KCND2: variants seen among roughly 807,000 people sequenced by gnomAD.
KCND2 encodes the protein potassium voltage-gated channel subfamily D member 2.
Under a neutral mutation model 54.4 loss-of-function variants are expected in KCND2, and 16 were observed. The observed-to-expected ratio is 0.29, with a 90% CI of 0.20 to 0.45. The LOEUF (loss-of-function observed/expected upper bound fraction) is 0.45, where lower values mean the gene tolerates loss of function less well. Ranked by LOEUF, KCND2 falls within the 20% of genes least tolerant of loss-of-function variation. The pLI is 1.00. For missense variants in KCND2, 486 were observed against 824.2 expected, an observed-to-expected ratio of 0.59 and a Z score of 5.02; for synonymous variants, 317 against 310.7, an observed-to-expected ratio of 1.02 and a Z score of -0.21.
intron 1 of KCND2, among the ~76,000 whole-genome samples, chr7:120,544,169 T>C (rs961797848): frequency 1.3e-5 from 2 of 151,954 alleles, no homozygotes; most frequent in African/African-American, 4.8e-5. Context: ...GACAGGAGTA[T>C]ACTGTAGAAA....
In KCND2 at chr7:120,712,453, G is replaced by T. The variant is rs553853183; in HGVS notation, c.1116-20450G>T. On this transcript the variant is annotated intron_variant, in intron 1 of 5. Coordinates refer to ENST00000331113, the MANE Select transcript of KCND2 (RefSeq NM_012281.3). Reference sequence around the variant, plus strand: ...TTTTTTTTTCTCCAGTAGAGGCAGGGTTTCACCATGTTGCCTTGGCTGATC... The same window carrying T: ...TTTTTTTTTCTCCAGTAGAGGCAGGTTTTCACCATGTTGCCTTGGCTGATC... Among the ~76,000 whole-genome samples, 3 of 150,800 alleles carry T rather than the reference G, an allele frequency of 2.0e-5. No individual in the cohort carries two copies. In the East Asian group the frequency reaches 5.9e-4, roughly 29 times the overall value.
rs188380071 is a variant in KCND2, at chr7:120,689,178, T to C, written c.1116-43725T>C. Among the ~76,000 whole-genome samples the C allele has an allele frequency of 1.0e-3, 152 of 152,164 alleles. 1 individual carries two copies. Among genetic ancestry groups the C allele is most frequent in the African/African-American group, 3.6e-3 (150 of 41,538 alleles). On this transcript the variant is annotated intron_variant, in intron 1 of 5. Coordinates refer to ENST00000331113, the MANE Select transcript of KCND2 (RefSeq NM_012281.3). ...AGTGGGCCGAATTTGGATATTCACTTCCAATATCACATTGCATTTTTAGTT... is the reference window on the plus strand; with the variant it reads ...AGTGGGCCGAATTTGGATATTCACTCCCAATATCACATTGCATTTTTAGTT...
chr7:120,445,291 A>G (rs750830523), intron 1 of KCND2, among the ~76,000 whole-genome samples: 15 of 152,198 alleles, frequency 9.9e-5, no homozygotes, highest in Non-Finnish European at 1.9e-4. Flanking sequence ...TTGTTGAAAA[A>G]CAGTAATATT....
chr7:120,648,532 G>C (rs1793469284), intron 1 of KCND2, among the ~76,000 whole-genome samples: 1 of 152,194 alleles, frequency 6.6e-6, no homozygotes, highest in South Asian at 2.1e-4. Flanking sequence ...GAAGGACCCT[G>C]AAAGGAGTAG....
intron 1 of KCND2, among the ~76,000 whole-genome samples, chr7:120,472,411 A>G (rs545573612): frequency 4.6e-5 from 7 of 152,204 alleles, no homozygotes; most frequent in East Asian, 1.9e-4. Flanking sequence ...TCATTGTGCT[A>G]TGGTGGAAAC....
chr7:120,544,777 C>T (rs893093133), intron 1 of KCND2, among the ~76,000 whole-genome samples: 1 of 151,872 alleles, frequency 6.6e-6, no homozygotes, highest in Admixed American at 6.6e-5. Context: ...TTGCTCATTT[C>T]TTAATTCTTC....
chr7:120,538,019 C>A (rs532199322), intron 1 of KCND2, among the ~76,000 whole-genome samples: 1 of 152,278 alleles, frequency 6.6e-6, no homozygotes, highest in Admixed American at 6.5e-5. Flanking sequence ...GGGCAAGAGG[C>A]CTAGGTTTTG....
At chr7:120,605,187 T>G (rs534254708) in intron 1 of KCND2, among the ~76,000 whole-genome samples, 1 of 152,258 alleles carries the variant, frequency 6.6e-6, no homozygotes, top group South Asian at 2.1e-4. Flanking sequence ...TTCACCACCC[T>G]AAAAAGAAAC....
rs537482528 is a variant in KCND2 at position 120,352,743 on chromosome 7, G to A, written c.1115+76996G>A. ...TGTATTTTAAACTGGTAATTAGGTA[G>A]GATTTTTAAAAATTGAGAAATATGA... is the stretch of plus-strand genomic sequence containing the variant. On this transcript the variant is annotated intron_variant, in intron 1 of 5. Coordinates refer to ENST00000331113, the MANE Select transcript of KCND2 (RefSeq NM_012281.3). Among the ~76,000 whole-genome samples, 11 of 152,130 alleles carry A rather than the reference G, an allele frequency of 7.2e-5. No homozygotes were observed. The South Asian group carries it at 2.1e-3, about 29-fold the overall frequency.
intron 1 of KCND2, among the ~76,000 whole-genome samples, chr7:120,547,195 C>G (rs543979859): frequency 6.6e-6 from 1 of 151,894 alleles, no homozygotes; most frequent in South Asian, 2.1e-4. Context: ...AAAAACAAAT[C>G]TTAAAAAGTC....
At chr7:120,703,816 A>G (rs1365417944) in intron 1 of KCND2, among the ~76,000 whole-genome samples, 1 of 152,200 alleles carries the variant, frequency 6.6e-6, no homozygotes, top group African/African-American at 2.4e-5. Context: ...GGGCTGTGAC[A>G]TGGCTGGCAC....
At chr7:120,618,743 T>A (rs1793060262) in intron 1 of KCND2, among the ~76,000 whole-genome samples, 1 of 152,210 alleles carries the variant, frequency 6.6e-6, no homozygotes, top group African/African-American at 2.4e-5. Context: ...AGCAACACTT[T>A]GCAATATTTC....
intron 1 of KCND2, among the ~76,000 whole-genome samples, chr7:120,434,965 GAA>G (rs760723859): frequency 1.4e-5 from 2 of 144,634 alleles, no homozygotes; most frequent in East Asian, 4.0e-4. Flanking sequence ...AAGACTTGAA[GAA>G]AAAAAAAAGA....
intron 1 of KCND2, among the ~76,000 whole-genome samples, chr7:120,349,323 C>A (rs201677248): frequency 3.3e-3 from 237 of 72,594 alleles, no homozygotes; most frequent in African/African-American, 7.9e-3. Context: ...CACACACACA[C>A]ACAAACACAC....
intron 1 of KCND2, among the ~76,000 whole-genome samples, chr7:120,478,179 G>A (rs527685982): frequency 1.1e-3 from 164 of 152,112 alleles, no homozygotes; most frequent in African/African-American, 3.8e-3. Context: ...ACTCTGTTAG[G>A]TTTTAGGATC....
intron 1 of KCND2, among the ~76,000 whole-genome samples, chr7:120,357,771 C>G (rs1029075045): frequency 1.3e-5 from 2 of 152,118 alleles, no homozygotes; most frequent in African/African-American, 4.8e-5. Context: ...TGAGGCCTCT[C>G]TGCTTTCAGA....
At chr7:120,535,971 C>T (rs932656616) in intron 1 of KCND2, among the ~76,000 whole-genome samples, 2 of 152,178 alleles carry the variant, frequency 1.3e-5, no homozygotes, top group Admixed American at 1.3e-4. Context: ...GTCTTTTATT[C>T]AGTCTCCTGC....
At chr7:120,523,092 A>G (rs1296539557) in intron 1 of KCND2, among the ~76,000 whole-genome samples, 1 of 152,138 alleles carries the variant, frequency 6.6e-6, no homozygotes, top group African/African-American at 2.4e-5. Flanking sequence ...TGCAGTTTTA[A>G]ATATTTGTAG....
intron 1 of KCND2, among the ~76,000 whole-genome samples, chr7:120,516,631 C>T (rs1204945215): frequency 6.6e-6 from 1 of 152,030 alleles, no homozygotes; most frequent in African/African-American, 2.4e-5. Flanking sequence ...TATTTACTGC[C>T]GGACTCTCCA....
Sources: gnomAD v4.1 joint callset for allele counts (sites outside exome capture counted in the v4.1 genomes callset) on GRCh38, gnomAD v4.1.1 for gene constraint, MANE v1.5 for transcripts, NCBI Gene and HGNC (gene_info 2026-07-23, HGNC 2026-07-21) for gene names.